FGF14: variants seen among roughly 807,000 people sequenced by gnomAD.
FGF14 encodes the protein fibroblast growth factor homologous factor 4.
FGF14 carries 5 observed loss-of-function variants against 25.5 expected under a neutral mutation model. The ratio of observed to expected loss-of-function variants is 0.20; its 90% CI spans 0.10 to 0.41. FGF14 has a LOEUF of 0.41. Ranked by LOEUF, FGF14 falls within the 10% of genes least tolerant of loss-of-function variation. FGF14 has a pLI of 1.00. For missense variants in FGF14, 222 were observed against 320.1 expected, an observed-to-expected ratio of 0.69 and a Z score of 2.34; for synonymous variants, 138 against 118.3, an observed-to-expected ratio of 1.17 and a Z score of -1.08.
At chr13:102,240,166 A>G (rs1210382275) in intron 1 of FGF14, among the ~76,000 whole-genome samples, 1 of 152,166 alleles carries the variant, frequency 6.6e-6, no homozygotes, top group African/African-American at 2.4e-5. Flanking sequence ...TAGGGAGAAA[A>G]TGCTTCTTAC....
At chr13:102,248,778 A>G (rs1198928732) in intron 1 of FGF14, among the ~76,000 whole-genome samples, 1 of 152,174 alleles carries the variant, frequency 6.6e-6, no homozygotes, top group Admixed American at 6.6e-5. Flanking sequence ...TGAAGAGAGA[A>G]AAAATGTCCA....
At chr13:102,333,794 G>C in intron 1 of FGF14, among the ~76,000 whole-genome samples, 1 of 152,286 alleles carries the variant, frequency 6.6e-6, no homozygotes, top group South Asian at 2.1e-4. Context: ...TTGGTCATTT[G>C]TTATGGTAAT....
At chr13:102,135,049 ACACACAC>A (rs1566730207) in intron 1 of FGF14, among the ~76,000 whole-genome samples, 10 of 151,056 alleles carry the variant, frequency 6.6e-5, no homozygotes, top group African/African-American at 2.2e-4. Context: ...ACACACACAC[ACACACAC>A]ACACAAATCC....
At chr13:102,209,084 G>C (rs1053177072) in intron 1 of FGF14, among the ~76,000 whole-genome samples, 1 of 152,204 alleles carries the variant, frequency 6.6e-6, no homozygotes, top group Non-Finnish European at 1.5e-5. Context: ...TTGCGAGGAC[G>C]CGAGGAAGGC....
At chr13:102,025,165 A>C (rs761929256) in intron 1 of FGF14, among the ~76,000 whole-genome samples, 8 of 151,856 alleles carry the variant, frequency 5.3e-5, no homozygotes, top group Non-Finnish European at 8.8e-5. Context: ...TGTTTCGGCT[A>C]TAAGTCCCTT....
At chr13:101,789,924 C>T (rs1297611455) in intron 3 of FGF14, among the ~76,000 whole-genome samples, 3 of 151,396 alleles carry the variant, frequency 2.0e-5, no homozygotes, top group Admixed American at 2.0e-4. Flanking sequence ...TAATAATGCC[C>T]TTACATTATT....
At chr13:102,035,095 T>C (rs2041403322) in intron 1 of FGF14, among the ~76,000 whole-genome samples, 1 of 152,042 alleles carries the variant, frequency 6.6e-6, no homozygotes, top group Non-Finnish European at 1.5e-5. Flanking sequence ...AGAAATCAAG[T>C]GAGGTTGTCT....
chr13:102,000,937 C>G (rs899491888), intron 1 of FGF14, among the ~76,000 whole-genome samples: 6 of 152,044 alleles, frequency 3.9e-5, no homozygotes, highest in African/African-American at 1.5e-4. Flanking sequence ...ACAGCAAAAG[C>G]CTGGGGAACA....
chr13:102,310,685 C>CTCTCTGTG (rs369697906), intron 1 of FGF14, among the ~76,000 whole-genome samples: 2 of 6,856 alleles, frequency 2.9e-4, no homozygotes, highest in South Asian at 7.6e-3. Flanking sequence ...CTCTCTCTCT[C>CTCTCTGTG]TGTGTGTGTG....
At chr13:101,774,445 A>G (rs1264285364) in intron 3 of FGF14, among the ~76,000 whole-genome samples, 1 of 152,166 alleles carries the variant, frequency 6.6e-6, no homozygotes, top group Non-Finnish European at 1.5e-5. Context: ...ATAATGAACT[A>G]ATCTTGAACC....
intron 1 of FGF14, among the ~76,000 whole-genome samples, chr13:101,990,915 T>C (rs1764076656): frequency 6.6e-6 from 1 of 152,110 alleles, no homozygotes; most frequent in South Asian, 2.1e-4. Context: ...ATAAAGGTAA[T>C]TTAAGTAAAA....
chr13:101,902,745 C>T (rs1433509073), intron 1 of FGF14, among the ~76,000 whole-genome samples: 1 of 152,172 alleles, frequency 6.6e-6, no homozygotes, highest in African/African-American at 2.4e-5. Flanking sequence ...CAAGGGATGT[C>T]TTTCCTGCTC....
At chr13:101,840,411 T>G (rs928807991) in intron 3 of FGF14, among the ~76,000 whole-genome samples, 1 of 151,810 alleles carries the variant, frequency 6.6e-6, no homozygotes, top group Non-Finnish European at 1.5e-5. Flanking sequence ...ACAGATATAT[T>G]TAGTGTCTGT....
chr13:101,904,303 C>T (rs74806189), intron 1 of FGF14, among the ~76,000 whole-genome samples: 5,835 of 151,824 alleles, frequency 0.038, 388 homozygotes, highest in African/African-American at 0.13. Context: ...GTAAATAATA[C>T]TGATGGAAAT....
chr13:101,907,584 C>G (rs2032403326), intron 1 of FGF14, among the ~76,000 whole-genome samples: 1 of 152,102 alleles, frequency 6.6e-6, no homozygotes, highest in African/African-American at 2.4e-5. Flanking sequence ...GGACAAACAC[C>G]TGTTTAGAAA....
intron 1 of FGF14, among the ~76,000 whole-genome samples, chr13:102,016,522 T>G (rs1164276975): frequency 6.6e-6 from 1 of 152,210 alleles, no homozygotes; most frequent in African/African-American, 2.4e-5. Flanking sequence ...TGAGCTGTAT[T>G]GTACAGGTCT....
At chr13:102,210,094 C>T (rs1486366351) in intron 1 of FGF14, among the ~76,000 whole-genome samples, 1 of 151,382 alleles carries the variant, frequency 6.6e-6, no homozygotes, top group African/African-American at 2.4e-5. Flanking sequence ...TTATTGGTTA[C>T]CTAAATCTAA....
chr13:102,324,044 C>T (rs1275552641), intron 1 of FGF14, among the ~76,000 whole-genome samples: 1 of 150,984 alleles, frequency 6.6e-6, no homozygotes, highest in African/African-American at 2.4e-5. Context: ...CACAGGCACA[C>T]ATCTGGAGGC....
rs188747106 is a variant in FGF14 at position 102,087,716 on chromosome 13, G to A, written c.209-212420C>T. ...TGGGATTACAGGCGTGAGCCACCGC[G>A]CCCAGCCCAGACTGTAATTCTTAAC... On this transcript the variant is annotated intron_variant, in intron 1 of 4. Transcript: ENST00000376131. Among the ~76,000 whole-genome samples, 221 of 151,560 alleles carry A rather than the reference G, an allele frequency of 1.5e-3. 2 individuals are homozygous for A. The highest frequency in any genetic ancestry group is 4.8e-3 in the African/African-American group (198 of 41,290).
Sources: gnomAD v4.1 joint callset for allele counts (sites outside exome capture counted in the v4.1 genomes callset) on GRCh38, gnomAD v4.1.1 for gene constraint, MANE v1.5 for transcripts, NCBI Gene and HGNC (gene_info 2026-07-23, HGNC 2026-07-21) for gene names.